Variants in TEKT5 observed in about 807,000 individuals in gnomAD.
TEKT5 encodes tektin 5.
A neutral mutation model predicts 48.7 loss-of-function variants in TEKT5; 52 were observed. That is an observed-to-expected ratio of 1.07 (90% CI 0.86 to 1.35). The LOEUF (loss-of-function observed/expected upper bound fraction) is 1.35, where lower values mean the gene tolerates loss of function less well. Among genes scored for constraint, TEKT5 ranks in the 40% most tolerant of loss-of-function variants. TEKT5 has a pLI of 0.00. For synonymous variants in TEKT5, 318 were observed against 267.6 expected (o/e 1.19, Z -1.84); for missense variants, 831 against 641.6 (o/e 1.30, Z -3.19).
At chr16:10,693,183 C>T (rs1899012641) in intron 1 of TEKT5, among the ~76,000 whole-genome samples, 1 of 152,198 alleles carries the variant, frequency 6.6e-6, no homozygotes, top group Non-Finnish European at 1.5e-5. Flanking sequence ...GCAACCTCCG[C>T]CTCCTGGGTT....
chr16:10,634,656 T>C (rs1192576420), intron 6 of TEKT5, among the ~76,000 whole-genome samples: 1 of 152,140 alleles, frequency 6.6e-6, no homozygotes, highest in Non-Finnish European at 1.5e-5. Flanking sequence ...GTCACTTCCA[T>C]GGTTAGGTTA....
intron 5 of TEKT5, among the ~76,000 whole-genome samples, chr16:10,637,845 C>G (rs1375726492): frequency 6.6e-6 from 1 of 152,166 alleles, no homozygotes; most frequent in East Asian, 1.9e-4. Context: ...GGGTCTTGCT[C>G]TGACACTCAG....
At chr16:10,667,250 C>A (rs1898473373) in intron 5 of TEKT5, among the ~76,000 whole-genome samples, 1 of 152,176 alleles carries the variant, frequency 6.6e-6, no homozygotes, top group South Asian at 2.1e-4. Flanking sequence ...TCCAAAAGTG[C>A]TGGGATTACA....
chr16:10,640,000 C>T (rs868172314), intron 5 of TEKT5, among the ~76,000 whole-genome samples: 10 of 145,172 alleles, frequency 6.9e-5, no homozygotes, highest in Middle Eastern at 3.6e-3. Context: ...TTTCTTCCTC[C>T]TCTTCCTCCT....
chr16:10,652,986 T>G (rs118153556), intron 5 of TEKT5, among the ~76,000 whole-genome samples: 1 of 150,954 alleles, frequency 6.6e-6, no homozygotes, highest in Non-Finnish European at 1.5e-5. Flanking sequence ...GACGCACACA[T>G]GCACAGAGCT....
intron 6 of TEKT5, among the ~76,000 whole-genome samples, chr16:10,629,253 A>ATTT (rs1010012795): frequency 6.9e-6 from 1 of 144,770 alleles, no homozygotes; most frequent in African/African-American, 2.5e-5. Context: ...TTTTATCACA[A>ATTT]TTTTTTTTTT....
At chr16:10,681,965 G>T (rs10221070) in intron 4 of TEKT5, 28 bp downstream of exon 4, 489,970 of 1,609,456 alleles carry the variant, frequency 0.3, 76,186 homozygotes, top group African/African-American at 0.45. Context: ...GACACGCCAG[G>T]GATGGGGAGG....
chr16:10,636,625 TAATCTCTAAGCC>T (rs144143836), intron 5 of TEKT5, among the ~76,000 whole-genome samples: 18,887 of 151,272 alleles, frequency 0.12, 1,375 homozygotes, highest in East Asian at 0.21. Flanking sequence ...TAATCTGAAA[TAATCTCTAAGCC>T]AATCTCTAAG....
intron 5 of TEKT5, among the ~76,000 whole-genome samples, chr16:10,670,760 G>T (rs917729326): frequency 6.6e-6 from 1 of 152,094 alleles, no homozygotes; most frequent in African/African-American, 2.4e-5. Flanking sequence ...ATTAAATTAT[G>T]ACTATTAATA....
intron 5 of TEKT5, among the ~76,000 whole-genome samples, chr16:10,646,462 G>A (rs1272136143): frequency 6.6e-6 from 1 of 152,130 alleles, no homozygotes; most frequent in Non-Finnish European, 1.5e-5. Flanking sequence ...CTGCCTTCAA[G>A]GATTTTACAG....
At chr16:10,668,167 C>G (rs1254134881) in intron 5 of TEKT5, among the ~76,000 whole-genome samples, 1 of 143,718 alleles carries the variant, frequency 7.0e-6, no homozygotes, top group Non-Finnish European at 1.5e-5. Context: ...ATGTGAGCCA[C>G]CACACCTAGC....
chr16:10,632,869 G>GGC (rs770431370), intron 6 of TEKT5, among the ~76,000 whole-genome samples: 1 of 131,646 alleles, frequency 7.6e-6, no homozygotes, highest in Non-Finnish European at 1.7e-5. Context: ...CACAGATGCA[G>GGC]ACACACACAC....
intron 4 of TEKT5, among the ~76,000 whole-genome samples, chr16:10,676,389 G>C (rs186541804): frequency 3.7e-4 from 57 of 152,236 alleles, no homozygotes; most frequent in African/African-American, 1.3e-3. Flanking sequence ...CCAAAAAATG[G>C]CTCCAGACAT....
At chr16:10,672,984 T>A (rs1430853244) in intron 5 of TEKT5, among the ~76,000 whole-genome samples, 1 of 151,974 alleles carries the variant, frequency 6.6e-6, no homozygotes, top group Non-Finnish European at 1.5e-5. Context: ...CAGCCTCCTG[T>A]GACAGTAATT....
chr16:10,639,427 C>G (rs745358531), intron 5 of TEKT5, among the ~76,000 whole-genome samples: 2 of 152,084 alleles, frequency 1.3e-5, no homozygotes, highest in Non-Finnish European at 2.9e-5. Context: ...GAAATTAGAC[C>G]ACCAGGGGCC....
At chr16:10,631,512 G>C (rs1191275762) in intron 6 of TEKT5, among the ~76,000 whole-genome samples, 1 of 152,078 alleles carries the variant, frequency 6.6e-6, no homozygotes, top group Admixed American at 6.6e-5. Context: ...ATCGGGTGGT[G>C]TTCCTCAGAA....
chr16:10,675,077 C>G (rs1455921411), intron 5 of TEKT5, among the ~76,000 whole-genome samples: 1 of 152,154 alleles, frequency 6.6e-6, no homozygotes, highest in Non-Finnish European at 1.5e-5. Flanking sequence ...CTGCCCGCCT[C>G]AGCCTCCCAA....
At chr16:10,636,036 T>G in intron 5 of TEKT5, 118 bp from the exon 6 acceptor site, 33 of 1,436,724 alleles carry the variant, frequency 2.3e-5, no homozygotes, top group Middle Eastern at 2.4e-4. Context: ...AAGATACTCC[T>G]TCCCCGGCCT....
chr16:10,644,804 C>A (rs1027774599), intron 5 of TEKT5, among the ~76,000 whole-genome samples: 1 of 152,180 alleles, frequency 6.6e-6, no homozygotes, highest in Admixed American at 6.5e-5. Flanking sequence ...AACAACAAAG[C>A]ACTTTCTCGT....
Sources: allele counts gnomAD v4.1 joint callset (sites outside exome capture counted in the v4.1 genomes callset), GRCh38; gene constraint gnomAD v4.1.1; transcripts MANE v1.5; gene names NCBI Gene and HGNC (gene_info 2026-07-23, HGNC 2026-07-21).